Variants in CAMTA1 observed in about 807,000 individuals in gnomAD.
CAMTA1 encodes the protein calmodulin-binding transcription activator 1.
Under a neutral mutation model 170.9 loss-of-function variants are expected in CAMTA1, and 27 were observed. The observed-to-expected ratio is 0.16, with a 90% CI of 0.12 to 0.22. The LOEUF (loss-of-function observed/expected upper bound fraction) is 0.22, where lower values mean the gene tolerates loss of function less well. CAMTA1 is among the 10% of genes least tolerant of loss of function. The probability of loss-of-function intolerance (pLI) is 1.00; values close to 1 mark genes in which losing one functional copy is unlikely to be tolerated. For synonymous variants in CAMTA1, 833 were observed against 891.5 expected, an observed-to-expected ratio of 0.93 and a Z score of 1.17; for missense variants, 1,619 against 2,217.2, an observed-to-expected ratio of 0.73 and a Z score of 5.42.
chr1:7,413,310 G>A (rs2090930007), intron 5 of CAMTA1, among the ~76,000 whole-genome samples: 1 of 152,300 alleles, frequency 6.6e-6, no homozygotes, highest in South Asian at 2.1e-4. Context: ...TTGGTAGCTT[G>A]ATGGGGATGG....
At position 7,588,378 on chromosome 1, in the gene CAMTA1, G is replaced by A. The variant is rs890056802; in HGVS notation, c.511-52022G>A. The stretch of plus-strand genomic sequence containing the variant: ...CTGCCACACACAGTCGGGATGGTCC[G>A]GGCGGGGGATGGCCCCAGGGGCTCA... On this transcript the variant is annotated intron_variant, in intron 6 of 22. Coordinates refer to ENST00000303635, the MANE Select transcript of CAMTA1 (RefSeq NM_015215.4). This position sits in a 1 kb window ranked among gnomAD's most constrained non-coding sequence, Gnocchi z 5.8. Among the ~76,000 whole-genome samples, 1 of 152,164 alleles carries A rather than the reference G, an allele frequency of 6.6e-6. No homozygotes were observed. Among genetic ancestry groups the A allele is most frequent in the Non-Finnish European group, 1.5e-5 (1 of 68,008 alleles).
intron 11 of CAMTA1, among the ~76,000 whole-genome samples, chr1:7,709,953 G>A (rs1264581550): frequency 2.0e-5 from 3 of 152,198 alleles, no homozygotes. Context: ...GTGGACCACA[G>A]TTTAAAAAAG....
intron 3 of CAMTA1, among the ~76,000 whole-genome samples, chr1:6,830,132 G>T (rs1649203339): frequency 6.6e-6 from 1 of 151,684 alleles, no homozygotes; most frequent in Non-Finnish European, 1.5e-5. Context: ...CGCCTCCCGG[G>T]TTCACGCCAT....
chr1:7,284,128 T>TCTC (rs1671916770), intron 5 of CAMTA1, among the ~76,000 whole-genome samples: 2 of 44,900 alleles, frequency 4.5e-5, no homozygotes, highest in Non-Finnish European at 9.4e-5. Flanking sequence ...TTGCTGCTGT[T>TCTC]CTTCTTCTTC....
At chr1:7,329,692 G>A (rs1366240686) in intron 5 of CAMTA1, among the ~76,000 whole-genome samples, 1 of 152,120 alleles carries the variant, frequency 6.6e-6, no homozygotes, top group Non-Finnish European at 1.5e-5. Flanking sequence ...GATGAGGGAG[G>A]TAGATTGTTC....
At chr1:7,654,161 A>G (rs868179509) in intron 7 of CAMTA1, among the ~76,000 whole-genome samples, 1 of 151,900 alleles carries the variant, frequency 6.6e-6, no homozygotes, top group Non-Finnish European at 1.5e-5. Context: ...TGGGTGTATC[A>G]CTTGAGGTCA....
intron 11 of CAMTA1, chr1:7,698,302 A>AG: frequency 6.6e-6 from 1 of 152,336 alleles, no homozygotes; most frequent in Non-Finnish European, 1.5e-5. Flanking sequence ...ACACAAAAAA[A>AG]TTTCATAATG....
chr1:7,162,311 C>T (rs1438757795), intron 4 of CAMTA1, among the ~76,000 whole-genome samples: 1 of 152,114 alleles, frequency 6.6e-6, no homozygotes, highest in African/African-American at 2.4e-5. Context: ...GGACATAATC[C>T]TCATATAATA....
rs536343412 is a variant in CAMTA1, at chr1:7,165,679, G to A, written c.302+74308G>A. Among the ~76,000 whole-genome samples, 12 of 152,290 alleles carry A rather than the reference G, an allele frequency of 7.9e-5. No individual in the cohort carries two copies. In the South Asian group the frequency reaches 1.4e-3, roughly 18 times the overall value. On this transcript the variant is annotated intron_variant, in intron 4 of 22. Transcript: ENST00000303635. ...ACTGCTGACCTCAGGTGATCCACCCGTCTCGTCCTCCCAAAGTGCCAGGAT... is the reference window on the plus strand; with the variant it reads ...ACTGCTGACCTCAGGTGATCCACCCATCTCGTCCTCCCAAAGTGCCAGGAT...
chr1:7,614,117 A>AGTAGGAGGAGAGGAGATTTTG (rs370508138), intron 6 of CAMTA1, among the ~76,000 whole-genome samples: 1,538 of 151,004 alleles, frequency 0.01, 16 homozygotes, highest in African/African-American at 0.035. Context: ...CAGAGGGGTG[A>AGTAGGAGGAGAGGAGATTTTG]GTAGGAGGAG....
intron 4 of CAMTA1, among the ~76,000 whole-genome samples, chr1:7,175,055 C>T (rs1185225636): frequency 2.6e-5 from 4 of 150,976 alleles, no homozygotes; most frequent in Non-Finnish European, 4.4e-5. Flanking sequence ...TGTGTGTGTG[C>T]GTGTGTGTGT....
At chr1:6,788,331 A>G (rs558407421) in intron 1 of CAMTA1, among the ~76,000 whole-genome samples, 19 of 152,264 alleles carry the variant, frequency 1.2e-4, no homozygotes, top group African/African-American at 4.6e-4. Flanking sequence ...AAACTGTTCT[A>G]GCTCAGAGGC....
At chr1:7,535,789 C>G (rs570351570) in intron 6 of CAMTA1, among the ~76,000 whole-genome samples, 35 of 152,312 alleles carry the variant, frequency 2.3e-4, no homozygotes, top group African/African-American at 7.9e-4. Context: ...ATACCTCAGC[C>G]AGTCCCTGTA....
chr1:7,400,627 G>A (rs1035870363), intron 5 of CAMTA1, among the ~76,000 whole-genome samples: 22 of 152,150 alleles, frequency 1.4e-4, no homozygotes, highest in Admixed American at 1.1e-3. Context: ...TTATAGGGTG[G>A]CTTTCATAGG....
At chr1:7,132,879 G>T (rs9434479) in intron 4 of CAMTA1, among the ~76,000 whole-genome samples, 1 of 151,936 alleles carries the variant, frequency 6.6e-6, no homozygotes, top group Non-Finnish European at 1.5e-5. Flanking sequence ...TATGATTTTT[G>T]TCTTTTAGTT....
chr1:7,597,161 G>A (rs999906477), intron 6 of CAMTA1, among the ~76,000 whole-genome samples: 3 of 152,166 alleles, frequency 2.0e-5, no homozygotes, highest in Non-Finnish European at 4.4e-5. Flanking sequence ...CAAGGGTCTT[G>A]GACAAAGCTG....
intron 6 of CAMTA1, among the ~76,000 whole-genome samples, chr1:7,473,678 A>AG (rs1393345438): frequency 1.3e-5 from 2 of 152,242 alleles, no homozygotes; most frequent in African/African-American, 4.8e-5. Context: ...CAGGCCCTGC[A>AG]GGTCCCTGAG....
At position 6,887,440 on chromosome 1, in the gene CAMTA1, T is replaced by C. The variant is rs1470076940; in HGVS notation, c.234+62230T>C. Among the ~76,000 whole-genome samples, 3 of 152,148 alleles carry C rather than the reference T, an allele frequency of 2.0e-5. No individual in the cohort carries two copies. The highest frequency in any genetic ancestry group is 6.5e-5 in the Admixed American group (1 of 15,272). On this transcript the variant is annotated intron_variant, in intron 3 of 22. Coordinates refer to ENST00000303635, the MANE Select transcript of CAMTA1 (RefSeq NM_015215.4). This position sits in a 1 kb window ranked among gnomAD's most constrained non-coding sequence, Gnocchi z 4.1. ...ATCATAGGCGAAGAAGTCAGACATA[T>C]ATGGTTGTATGTACATGTGTATAGT...
chr1:6,956,983 C>G (rs7542199), intron 3 of CAMTA1, among the ~76,000 whole-genome samples: 75,533 of 152,058 alleles, frequency 0.5, 19,113 homozygotes, highest in East Asian at 0.63. Flanking sequence ...CTGCTGCAGT[C>G]TTCCCAGCTG....
Sources: allele counts gnomAD v4.1 joint callset (sites outside exome capture counted in the v4.1 genomes callset), GRCh38; gene constraint gnomAD v4.1.1; non-coding constraint Gnocchi (gnomAD v3.1); transcripts MANE v1.5; gene names NCBI Gene and HGNC (gene_info 2026-07-23, HGNC 2026-07-21).